The following MALRD1 variants were observed in gnomAD, a reference collection of about 807,000 sequenced individuals.
MALRD1 encodes MAM and LDL-receptor class A domain-containing protein 1.
A neutral mutation model predicts 242.1 loss-of-function variants in MALRD1; 247 were observed. That is an observed-to-expected ratio of 1.02 (90% CI 0.92 to 1.13). MALRD1 has a LOEUF of 1.13. Ranked by LOEUF, MALRD1 falls within the 50% of genes most tolerant of loss-of-function variation. The pLI is 0.00. For synonymous variants in MALRD1, 995 were observed against 866.6 expected (o/e 1.15, Z -2.60); for missense variants, 2,989 against 2,533.1 (o/e 1.18, Z -3.86).
intron 28 of MALRD1, among the ~76,000 whole-genome samples, chr10:19,448,307 T>C (rs1835117187): frequency 6.6e-6 from 1 of 152,204 alleles, no homozygotes; most frequent in South Asian, 2.1e-4. Flanking sequence ...AAATCTTCTC[T>C]AGTCTACTTT....
At chr10:19,597,781 G>A (rs1226018773) in intron 34 of MALRD1, among the ~76,000 whole-genome samples, 1 of 152,156 alleles carries the variant, frequency 6.6e-6, no homozygotes, top group Non-Finnish European at 1.5e-5. Context: ...GTGTTAGAAG[G>A]CACATAGGGA....
intron 36 of MALRD1, among the ~76,000 whole-genome samples, chr10:19,658,514 C>A (rs976927109): frequency 2.0e-5 from 3 of 152,106 alleles, no homozygotes; most frequent in African/African-American, 7.2e-5. Flanking sequence ...CACATACACA[C>A]AAACACACAC....
intron 5 of MALRD1, among the ~76,000 whole-genome samples, chr10:19,114,601 C>CA (rs1003281551): frequency 6.6e-5 from 10 of 151,524 alleles, no homozygotes; most frequent in Admixed American, 6.6e-4. Context: ...GCCTAGGTGA[C>CA]AAAAAAAGAC....
intron 1 of MALRD1, among the ~76,000 whole-genome samples, chr10:19,065,024 A>G (rs1166044490): frequency 1.3e-5 from 2 of 152,076 alleles, no homozygotes; most frequent in African/African-American, 2.4e-5. Context: ...GCGGTTGCTC[A>G]TGCCTGTAAT....
At chr10:19,234,462 TAGAG>T (rs1346689766) in intron 18 of MALRD1, among the ~76,000 whole-genome samples, 7 of 152,236 alleles carry the variant, frequency 4.6e-5, no homozygotes, top group Non-Finnish European at 1.0e-4. Flanking sequence ...TCTACTCTAA[TAGAG>T]ATAGTCATTA....
At chr10:19,234,218 C>A (rs545075485) in intron 18 of MALRD1, among the ~76,000 whole-genome samples, 4 of 151,988 alleles carry the variant, frequency 2.6e-5, no homozygotes, top group Admixed American at 2.6e-4. Context: ...AATTCTAAAA[C>A]TCTATAAATC....
chr10:19,607,062 A>G (rs868347673), intron 34 of MALRD1, among the ~76,000 whole-genome samples: 3 of 152,278 alleles, frequency 2.0e-5, no homozygotes, highest in Non-Finnish European at 4.4e-5. Flanking sequence ...CTCTTGATGG[A>G]CATCAATAAG....
intron 26 of MALRD1, among the ~76,000 whole-genome samples, chr10:19,358,105 G>A (rs1284197126): frequency 6.6e-6 from 1 of 151,770 alleles, no homozygotes; most frequent in Non-Finnish European, 1.5e-5. Context: ...TCTTCTAAAT[G>A]TCCATATGCA....
At chr10:19,058,319 T>C (rs1268551242) in intron 1 of MALRD1, among the ~76,000 whole-genome samples, 1 of 152,170 alleles carries the variant, frequency 6.6e-6, no homozygotes, top group Non-Finnish European at 1.5e-5. Context: ...TTTCATGAAA[T>C]ACATTTCTTA....
At chr10:19,649,953 G>T (rs1840795933) in intron 36 of MALRD1, among the ~76,000 whole-genome samples, 1 of 152,094 alleles carries the variant, frequency 6.6e-6, no homozygotes. Flanking sequence ...TGACTAGCCA[G>T]TTATCCCAGC....
intron 28 of MALRD1, among the ~76,000 whole-genome samples, chr10:19,434,506 G>T (rs761906582): frequency 2.0e-5 from 3 of 151,658 alleles, no homozygotes; most frequent in Non-Finnish European, 4.4e-5. Flanking sequence ...CAAAATGTTT[G>T]CAGTTTAAAG....
At chr10:19,665,417 G>A (rs185879911) in intron 36 of MALRD1, among the ~76,000 whole-genome samples, 12 of 152,168 alleles carry the variant, frequency 7.9e-5, no homozygotes, top group East Asian at 7.7e-4. Flanking sequence ...CCCATTTCTC[G>A]TACCAGAAGC....
chr10:19,265,769 T>A (rs1839948003), intron 19 of MALRD1, among the ~76,000 whole-genome samples: 1 of 152,134 alleles, frequency 6.6e-6, no homozygotes, highest in African/African-American at 2.4e-5. Flanking sequence ...CAATGTTTCT[T>A]AATTGATTTT....
chr10:19,065,894 G>T (rs986115304), intron 1 of MALRD1, among the ~76,000 whole-genome samples: 36 of 152,230 alleles, frequency 2.4e-4, no homozygotes, highest in African/African-American at 8.4e-4. Flanking sequence ...CATCAGAGGG[G>T]TCTCTGTGAT....
intron 18 of MALRD1, among the ~76,000 whole-genome samples, chr10:19,252,439 T>G (rs1839334009): frequency 6.6e-6 from 1 of 152,046 alleles, no homozygotes; most frequent in South Asian, 2.1e-4. Context: ...ATTTTTCTTT[T>G]TTTAATCAAA....
At chr10:19,668,414 C>G (rs931841671) in intron 36 of MALRD1, among the ~76,000 whole-genome samples, 3 of 152,154 alleles carry the variant, frequency 2.0e-5, no homozygotes, top group Admixed American at 1.3e-4. Flanking sequence ...CCTTCAGTCA[C>G]CCAATCCAGC....
chr10:19,613,669 A>T (rs879725548), intron 35 of MALRD1, among the ~76,000 whole-genome samples: 4 of 152,102 alleles, frequency 2.6e-5, no homozygotes, highest in African/African-American at 7.2e-5. Flanking sequence ...TGCAGCCAGA[A>T]TTCTAACACA....
intron 38 of MALRD1, among the ~76,000 whole-genome samples, chr10:19,704,433 C>T (rs921292838): frequency 1.3e-5 from 2 of 152,230 alleles, no homozygotes; most frequent in African/African-American, 4.8e-5. Flanking sequence ...AGCCTCTTTG[C>T]CTTCTTATAA....
chr10:19,279,894 C>T (rs893367109), intron 19 of MALRD1, among the ~76,000 whole-genome samples, 153 bp from the exon 20 acceptor site: 3 of 152,144 alleles, frequency 2.0e-5, no homozygotes, highest in Non-Finnish European at 4.4e-5. Context: ...AAAACAAGAA[C>T]CTCGATTTTA....
Sources: allele counts gnomAD v4.1 joint callset (sites outside exome capture counted in the v4.1 genomes callset), GRCh38; gene constraint gnomAD v4.1.1; transcripts MANE v1.5; gene names NCBI Gene and HGNC (gene_info 2026-07-23, HGNC 2026-07-21).